Variants in COLQ observed in about 807,000 individuals in gnomAD.
COLQ encodes acetylcholinesterase collagenic tail peptide.
COLQ carries 48 observed loss-of-function variants against 69.0 expected under a neutral mutation model. That is an observed-to-expected ratio of 0.70 (90% CI 0.55 to 0.88). COLQ has a LOEUF of 0.88. Among genes scored for constraint, COLQ ranks in the 40% least tolerant of loss-of-function variants. The pLI, the probability that COLQ is intolerant of heterozygous loss-of-function variation, is 0.00. For missense variants in COLQ, 618 were observed against 594.6 expected, an observed-to-expected ratio of 1.04 and a Z score of -0.41; for synonymous variants, 217 against 211.2, an observed-to-expected ratio of 1.03 and a Z score of -0.24.
At chr3:15,462,266 G>A (rs1265898896) in intron 12 of COLQ, among the ~76,000 whole-genome samples, 2 of 152,102 alleles carry the variant, frequency 1.3e-5, no homozygotes, top group South Asian at 2.1e-4. Flanking sequence ...CTGACCTCAA[G>A]TGATCCGTCC....
In COLQ at chr3:15,484,120, G is replaced by A. The variant is rs2062536075; in HGVS notation, c.321+4086C>T. On this transcript the variant is annotated intron_variant, in intron 3 of 16. Transcript: ENST00000383788. ...AGCCTATGTGTGTCTCTGCACGTGAGATGGGTCTCCTGAATACAGCACACT... is the reference window on the plus strand; with the variant it reads ...AGCCTATGTGTGTCTCTGCACGTGAAATGGGTCTCCTGAATACAGCACACT... 2.0e-5 allele frequency among the ~76,000 whole-genome samples: 3 copies of A among 152,148 alleles called. No homozygotes were observed. In the South Asian group the frequency reaches 6.2e-4, roughly 32 times the overall value.
chr3:15,453,701 C>G, intron 16 of COLQ, 128 bp downstream of exon 16: 1 of 709,276 alleles, frequency 1.4e-6, no homozygotes, highest in Non-Finnish European at 2.5e-6. Context: ...CATTCATCAC[C>G]ATACCTCAGT....
At chr3:15,486,245 G>C (rs2062571790) in intron 3 of COLQ, among the ~76,000 whole-genome samples, 1 of 152,188 alleles carries the variant, frequency 6.6e-6, no homozygotes, top group African/African-American at 2.4e-5. Flanking sequence ...TTAATGTGCA[G>C]ATGACCCACT....
At chr3:15,515,323 A>G (rs2063045800) in intron 1 of COLQ, among the ~76,000 whole-genome samples, 1 of 152,210 alleles carries the variant, frequency 6.6e-6, no homozygotes, top group South Asian at 2.1e-4. Context: ...GCATGAAATG[A>G]GCTCTTCACC....
chr3:15,505,500 G>A (rs899449634), intron 1 of COLQ, among the ~76,000 whole-genome samples: 4 of 152,192 alleles, frequency 2.6e-5, no homozygotes, highest in South Asian at 4.1e-4. Context: ...TCTGCTTTTT[G>A]AGTTCAAGTT....
intron 1 of COLQ, among the ~76,000 whole-genome samples, chr3:15,509,688 G>T (rs1224584590): frequency 2.0e-5 from 3 of 152,202 alleles, no homozygotes; most frequent in Non-Finnish European, 2.9e-5. Flanking sequence ...TCCTTGCAAT[G>T]ATGTTATGGA....
intron 1 of COLQ, among the ~76,000 whole-genome samples, chr3:15,502,879 G>T (rs753596927): frequency 6.6e-6 from 1 of 152,178 alleles, no homozygotes; most frequent in Admixed American, 6.5e-5. Flanking sequence ...ATCACGAAAC[G>T]ACGATGACCC....
chr3:15,474,101 G>T, intron 9 of COLQ, 66 bp from the exon 10 acceptor site: 16 of 1,609,460 alleles, frequency 9.9e-6, no homozygotes, highest in Non-Finnish European at 1.4e-5. Context: ...CTGTGGACAG[G>T]CTTTGTTGGT....
At chr3:15,462,495 G>T (rs1211503917) in intron 12 of COLQ, among the ~76,000 whole-genome samples, 1 of 152,138 alleles carries the variant, frequency 6.6e-6, no homozygotes, top group African/African-American at 2.4e-5. Flanking sequence ...TGGGGGGCGG[G>T]GGCATCAATC....
intron 1 of COLQ, chr3:15,498,830 G>A: frequency 7.0e-7 from 1 of 1,433,534 alleles, no homozygotes; most frequent in Non-Finnish European, 9.1e-7. Flanking sequence ...TGCTGTAGGG[G>A]AGGCTTGGAG....
intron 11 of COLQ, 90 bp downstream of exon 11, chr3:15,470,446 C>G (rs1185198806): frequency 8.5e-7 from 1 of 1,169,928 alleles, no homozygotes; most frequent in South Asian, 1.2e-5. Context: ...TACAGAATAT[C>G]TCTGATTAAC....
Position 15,459,348 on chromosome 3 carries a change from C to T in COLQ, c.815-1023G>A, listed in dbSNP as rs1227653130. On this transcript the variant is annotated intron_variant, in intron 12 of 16. Transcript: ENST00000383788. Reference sequence around the variant, plus strand: ...AGGGTAGTACCTTGGTTTTTAAAGGCTCTGATACCCAGGATACACCTCAGA... The same window carrying T: ...AGGGTAGTACCTTGGTTTTTAAAGGTTCTGATACCCAGGATACACCTCAGA... Among the ~76,000 whole-genome samples the T allele has an allele frequency of 2.0e-5, 3 of 152,100 alleles. No individual in the cohort carries two copies. In the East Asian group the frequency reaches 5.8e-4, roughly 29 times the overall value.
intron 13 of COLQ, 125 bp from the exon 14 acceptor site, chr3:15,456,704 C>T: frequency 8.0e-7 from 1 of 1,247,072 alleles, no homozygotes; most frequent in Non-Finnish European, 1.1e-6. Flanking sequence ...GGTTTGCACA[C>T]TACACTCTAG....
chr3:15,517,680 G>A (rs1282291755), intron 1 of COLQ, among the ~76,000 whole-genome samples: 2 of 152,132 alleles, frequency 1.3e-5, no homozygotes, highest in South Asian at 2.1e-4. Context: ...CAAGTGTCAC[G>A]GTGGTTTATT....
intron 6 of COLQ, among the ~76,000 whole-genome samples, chr3:15,476,776 T>C (rs2062386186): frequency 6.6e-6 from 1 of 152,146 alleles, no homozygotes; most frequent in Non-Finnish European, 1.5e-5. Flanking sequence ...CCCTGCCAGG[T>C]CAGCATGACA....
At chr3:15,506,097 T>C (rs917956516) in intron 1 of COLQ, among the ~76,000 whole-genome samples, 2 of 152,150 alleles carry the variant, frequency 1.3e-5, no homozygotes, top group African/African-American at 2.4e-5. Flanking sequence ...ATTCCAGAAA[T>C]TGGGGAGCCT....
intron 1 of COLQ, among the ~76,000 whole-genome samples, chr3:15,504,446 G>A (rs1488614430): frequency 6.6e-6 from 1 of 152,208 alleles, no homozygotes; most frequent in Non-Finnish European, 1.5e-5. Flanking sequence ...CATCCTTCGT[G>A]TCTCTTTGTG....
chr3:15,495,029 C>T (rs1238024493), intron 1 of COLQ, among the ~76,000 whole-genome samples: 1 of 152,176 alleles, frequency 6.6e-6, no homozygotes, highest in East Asian at 1.9e-4. Context: ...AGCAATTTGT[C>T]CGAAGTCATA....
At chr3:15,475,604 G>A in intron 6 of COLQ, 117 bp from the exon 7 acceptor site, 1 of 936,356 alleles carries the variant, frequency 1.1e-6, no homozygotes, top group Non-Finnish European at 1.7e-6. Context: ...TTGTAAATCT[G>A]AGGACCCCAG....
Sources: allele counts gnomAD v4.1 joint callset (sites outside exome capture counted in the v4.1 genomes callset), GRCh38; gene constraint gnomAD v4.1.1; transcripts MANE v1.5; gene names NCBI Gene and HGNC (gene_info 2026-07-23, HGNC 2026-07-21).